LARGE1: variants seen among roughly 807,000 people sequenced by gnomAD.
The protein encoded by LARGE1 is xylosyl- and glucuronyltransferase LARGE1.
In LARGE1, 43 loss-of-function variants were observed where a neutral mutation model predicts 87.6. The observed-to-expected ratio is 0.49, with a 90% CI of 0.38 to 0.63. The LOEUF is 0.63. Among genes scored for constraint, LARGE1 ranks in the 30% least tolerant of loss-of-function variants. The probability of loss-of-function intolerance (pLI) is 0.00; values close to 1 mark genes in which losing one functional copy is unlikely to be tolerated. For missense variants in LARGE1, 802 were observed against 1,000.2 expected, an observed-to-expected ratio of 0.80 and a Z score of 2.67; for synonymous variants, 434 against 394.6, an observed-to-expected ratio of 1.10 and a Z score of -1.18.
At chr22:33,546,133 A>C (rs765626259) in intron 6 of LARGE1, among the ~76,000 whole-genome samples, 1 of 152,170 alleles carries the variant, frequency 6.6e-6, no homozygotes, top group South Asian at 2.1e-4. Context: ...TGCCTTCCAG[A>C]AAAGGCCAAA....
In LARGE1 at chr22:33,302,537, G is replaced by C. The variant is rs1934296170; in HGVS notation, c.1730+1692C>G. 1.3e-5 allele frequency among the ~76,000 whole-genome samples: 2 copies of C among 152,140 alleles called. 1 individual carries two copies. Among genetic ancestry groups the C allele is most frequent in the South Asian group, 4.1e-4 (2 of 4,824 alleles). ...CCTTGCTCCAGACAGCGCAGGGCACGGAGGGTATGCAGGCTAAACCTACGC... is the reference window on the plus strand; with the variant it reads ...CCTTGCTCCAGACAGCGCAGGGCACCGAGGGTATGCAGGCTAAACCTACGC... On this transcript the variant is annotated intron_variant, in intron 12 of 14. Transcript: ENST00000397394.
chr22:33,818,985 C>T (rs534139147), intron 1 of LARGE1, among the ~76,000 whole-genome samples: 119 of 152,292 alleles, frequency 7.8e-4, no homozygotes, highest in African/African-American at 2.7e-3. Context: ...AGCACCATCC[C>T]AGAAACGGGT....
chr22:33,336,843 C>T (rs2267192), intron 10 of LARGE1, among the ~76,000 whole-genome samples: 57,153 of 151,678 alleles, frequency 0.38, 10,887 homozygotes, highest in South Asian at 0.46. Context: ...AGGCGGATCA[C>T]GAGGTCAGGA....
intron 7 of LARGE1, among the ~76,000 whole-genome samples, chr22:33,427,116 T>C (rs541352332): frequency 1.3e-5 from 2 of 152,340 alleles, no homozygotes; most frequent in South Asian, 2.1e-4. Flanking sequence ...GTCAAAATCC[T>C]AGGTGTATTT....
chr22:33,592,193 G>T (rs1201422700), intron 5 of LARGE1, among the ~76,000 whole-genome samples: 1 of 151,880 alleles, frequency 6.6e-6, no homozygotes, highest in Non-Finnish European at 1.5e-5. Context: ...AAGTTCTACA[G>T]ATTTAGCTCC....
At chr22:33,229,282 C>T (rs1925884043) in intron 11 of LARGE1, among the ~76,000 whole-genome samples, 1 of 151,890 alleles carries the variant, frequency 6.6e-6, no homozygotes, top group African/African-American at 2.4e-5. Context: ...AGATTATAAA[C>T]TAACATAATA....
At chr22:33,167,504 C>T (rs1173853742) in intron 11 of LARGE1, among the ~76,000 whole-genome samples, 2 of 152,030 alleles carry the variant, frequency 1.3e-5, no homozygotes, top group Non-Finnish European at 2.9e-5. Flanking sequence ...CCCATAAGAC[C>T]CTATTAGTTG....
chr22:33,296,048 T>C (rs1014821701), intron 12 of LARGE1, among the ~76,000 whole-genome samples: 23 of 152,262 alleles, frequency 1.5e-4, no homozygotes, highest in Non-Finnish European at 3.4e-4. Flanking sequence ...TGCTAGAGAC[T>C]CTGTCTCCAC....
At chr22:33,791,146 A>T (rs1569448481) in intron 1 of LARGE1, among the ~76,000 whole-genome samples, 1 of 152,238 alleles carries the variant, frequency 6.6e-6, no homozygotes, top group African/African-American at 2.4e-5. Context: ...AGAAAAGCTC[A>T]TGAGCGAGAT....
At chr22:33,748,141 T>TC (rs1259734217) in intron 2 of LARGE1, among the ~76,000 whole-genome samples, 3 of 150,770 alleles carry the variant, frequency 2.0e-5, no homozygotes, top group Non-Finnish European at 4.4e-5. Flanking sequence ...GTTTGTTTTT[T>TC]TTTTTTTTTT....
chr22:33,271,817 G>A (rs145738743), downstream of LARGE1, among the ~76,000 whole-genome samples: 72 of 152,336 alleles, frequency 4.7e-4, no homozygotes, highest in African/African-American at 1.6e-3. Flanking sequence ...TTGGGCATCC[G>A]CCAATGTCTG....
At chr22:33,425,555 G>C (rs1407813568) in intron 7 of LARGE1, among the ~76,000 whole-genome samples, 3 of 152,150 alleles carry the variant, frequency 2.0e-5, no homozygotes, top group African/African-American at 7.2e-5. Context: ...AGAAAGTAGG[G>C]AGTAGACATT....
chr22:33,595,367 A>G (rs1445415780), intron 5 of LARGE1, among the ~76,000 whole-genome samples: 1 of 152,104 alleles, frequency 6.6e-6, no homozygotes, highest in Non-Finnish European at 1.5e-5. Flanking sequence ...TGAGTTTAAG[A>G]CTCTGAGCTC....
At chr22:33,776,952 C>T (rs1365197386) in intron 1 of LARGE1, among the ~76,000 whole-genome samples, 1 of 152,098 alleles carries the variant, frequency 6.6e-6, no homozygotes, top group Non-Finnish European at 1.5e-5. Flanking sequence ...CAGAGATGGT[C>T]AGCACATGGG....
chr22:33,241,248 C>T (rs898496994), intron 11 of LARGE1, among the ~76,000 whole-genome samples: 5 of 152,140 alleles, frequency 3.3e-5, no homozygotes. Flanking sequence ...GACCTGAGCA[C>T]ATCCTGTTAC....
chr22:33,640,581 C>A (rs2080398076), intron 3 of LARGE1, among the ~76,000 whole-genome samples: 1 of 152,002 alleles, frequency 6.6e-6, no homozygotes, highest in Admixed American at 6.6e-5. Context: ...CCCAGTGAGA[C>A]AGAATCGTTC....
chr22:33,629,088 T>C (rs1261219959), intron 3 of LARGE1, among the ~76,000 whole-genome samples: 1 of 152,216 alleles, frequency 6.6e-6, no homozygotes, highest in Non-Finnish European at 1.5e-5. Context: ...AATTTATGCA[T>C]ATTTTAATTT....
At chr22:33,832,357 C>T (rs962219027) in intron 1 of LARGE1, among the ~76,000 whole-genome samples, 9 of 152,168 alleles carry the variant, frequency 5.9e-5, no homozygotes, top group Non-Finnish European at 1.0e-4. Flanking sequence ...GTCTAAAGAA[C>T]AAGACAGATC....
At chr22:33,370,117 T>G (rs555572034) in intron 9 of LARGE1, among the ~76,000 whole-genome samples, 2 of 152,126 alleles carry the variant, frequency 1.3e-5, no homozygotes, top group Non-Finnish European at 2.9e-5. Flanking sequence ...TAATAAAAAT[T>G]AGATAAATCA....
Sources: allele counts gnomAD v4.1 joint callset (sites outside exome capture counted in the v4.1 genomes callset), GRCh38; gene constraint gnomAD v4.1.1; transcripts MANE v1.5; gene names NCBI Gene and HGNC (gene_info 2026-07-23, HGNC 2026-07-21).